Variants in DNAAF9 observed in about 807,000 individuals in gnomAD.
DNAAF9 encodes shulin.
DNAAF9 carries 90 observed loss-of-function variants against 167.0 expected under a neutral mutation model. The ratio of observed to expected loss-of-function variants is 0.54; its 90% CI spans 0.45 to 0.64. DNAAF9 has a LOEUF of 0.64. DNAAF9 is among the 30% of genes least tolerant of loss of function. DNAAF9 has a pLI of 0.00. For missense variants in DNAAF9, 1,315 were observed against 1,442.2 expected, an observed-to-expected ratio of 0.91 and a Z score of 1.43; for synonymous variants, 491 against 508.8, an observed-to-expected ratio of 0.96 and a Z score of 0.47.
intron 27 of DNAAF9, among the ~76,000 whole-genome samples, chr20:3,285,453 C>G (rs368461499): frequency 1.3e-5 from 2 of 152,002 alleles, no homozygotes; most frequent in Admixed American, 6.6e-5. Context: ...CCAAGGCAGG[C>G]GGATCACTTG....
rs3082553 is a variant in DNAAF9 at position 3,351,834 on chromosome 20, T to TTTTATTTATTTA, written c.691-3223_691-3212dup. Among the ~76,000 whole-genome samples the TTTTATTTATTTA allele has an allele frequency of 7.4e-3, 1,088 of 146,222 alleles. 11 individuals carry two copies. Among genetic ancestry groups the TTTTATTTATTTA allele is most frequent in the African/African-American group, 0.027 (1,050 of 39,086 alleles). ...TATGCTATTTTCTGAGTTTGTGTTA[T>TTTTATTTATTTA]TTTATTTATTTATTTATTTATTTAT... On this transcript the variant is annotated intron_variant, in intron 7 of 36. Transcript: ENST00000252032.
At chr20:3,326,777 G>A (rs2069719147) in intron 12 of DNAAF9, among the ~76,000 whole-genome samples, 1 of 151,024 alleles carries the variant, frequency 6.6e-6, no homozygotes, top group Admixed American at 6.6e-5. Flanking sequence ...TCATATCCCT[G>A]GTTTGACTTA....
At chr20:3,274,195 T>C (rs577250334) in intron 29 of DNAAF9, among the ~76,000 whole-genome samples, 1 of 152,248 alleles carries the variant, frequency 6.6e-6, no homozygotes, top group South Asian at 2.1e-4. Flanking sequence ...CAGGCTGCAG[T>C]GTAGTGGTGT....
rs367913490 is a variant in DNAAF9 at position 3,349,698 on chromosome 20, T to C, written c.691-1075A>G. 3.3e-5 allele frequency among the ~76,000 whole-genome samples: 5 copies of C among 152,312 alleles called. No homozygotes were observed. In the East Asian group the frequency reaches 9.6e-4, roughly 29 times the overall value. On this transcript the variant is annotated intron_variant, in intron 7 of 36. Transcript: ENST00000252032. ...TTTAGCATCCTTTCTGAACTCATTC[T>C]TATTCTCAAGCACTACAAATTGCTT... is the stretch of plus-strand genomic sequence containing the variant.
intron 10 of DNAAF9, among the ~76,000 whole-genome samples, chr20:3,335,387 T>C (rs2069917627): frequency 6.6e-6 from 1 of 152,220 alleles, no homozygotes; most frequent in Non-Finnish European, 1.5e-5. Flanking sequence ...AACTCTTCTC[T>C]TTCAGCATTT....
intron 29 of DNAAF9, among the ~76,000 whole-genome samples, chr20:3,271,898 T>A (rs1333207781): frequency 6.6e-6 from 1 of 152,034 alleles, no homozygotes; most frequent in Non-Finnish European, 1.5e-5. Context: ...GGATTACAGG[T>A]GTGAGCCACC....
At chr20:3,353,930 G>A (rs936861812) in intron 7 of DNAAF9, among the ~76,000 whole-genome samples, 1 of 152,122 alleles carries the variant, frequency 6.6e-6, no homozygotes, top group Admixed American at 6.6e-5. Context: ...TATAGAATAA[G>A]GTAGAATGAA....
Position 3,336,252 on chromosome 20 carries a change from G to GTTT in DNAAF9, c.982-3894_982-3892dup, listed in dbSNP as rs1178750984. On this transcript the variant is annotated intron_variant, in intron 10 of 36. Transcript: ENST00000252032. The stretch of plus-strand genomic sequence containing the variant: ...TGATTTTGCAGATTCACAGTTTTGC[G>GTTT]TTTTTGTTTTTTTTTTTTTTTTTGC... Among the ~76,000 whole-genome samples the GTTT allele has an allele frequency of 6.0e-3, 484 of 81,180 alleles. 15 individuals carry two copies. The highest frequency in any genetic ancestry group is 0.013 in the East Asian group (39 of 2,978). The allele number at this position is 81,180 out of a possible 152,430, so 53.3% of individuals were successfully genotyped here.
intron 1 of DNAAF9, among the ~76,000 whole-genome samples, chr20:3,393,778 C>A (rs1333430819): frequency 6.6e-6 from 1 of 152,138 alleles, no homozygotes; most frequent in African/African-American, 2.4e-5. Flanking sequence ...CCAAATTGTT[C>A]TTTTAAACCG....
At chr20:3,283,583 C>T (rs1245436415) in intron 27 of DNAAF9, among the ~76,000 whole-genome samples, 4 of 152,186 alleles carry the variant, frequency 2.6e-5, no homozygotes, top group South Asian at 2.1e-4. Context: ...CAGGAGAGTC[C>T]CACCCACAAC....
chr20:3,288,850 G>A (rs1402904197), intron 26 of DNAAF9, among the ~76,000 whole-genome samples: 1 of 152,138 alleles, frequency 6.6e-6, no homozygotes, highest in Admixed American at 6.5e-5. Context: ...GCTCATGGGA[G>A]GATCATGACA....
intron 23 of DNAAF9, chr20:3,296,268 G>GC (rs960405134): frequency 2.3e-6 from 1 of 429,992 alleles, no homozygotes. Context: ...GACACTGGGC[G>GC]CCCCCCAAGA....
At chr20:3,328,188 T>TTTTTTTTTTGTTTGTTTGTTTTG (rs757945235) in intron 12 of DNAAF9, among the ~76,000 whole-genome samples, 2 of 138,774 alleles carry the variant, frequency 1.4e-5, no homozygotes, top group African/African-American at 5.8e-5. Flanking sequence ...GCTCTGTTTT[T>TTTTTTTTTTGTTTGTTTGTTTTG]TTTTTTTTTT....
Position 3,359,518 on chromosome 20 carries a change from C to A in DNAAF9, c.688G>T (p.Asp230Tyr). 1.9e-6 allele frequency: 3 copies of A among 1,607,126 alleles called. No homozygotes were observed. Among genetic ancestry groups the A allele is most frequent in the African/African-American group, 2.7e-5 (2 of 74,834 alleles). ...AAAGTTACTGTTTGGCTCCTTACAT[C>A]TGAAAGCAAACTCTCCAGAGACATA... Reference protein sequence around the residue: ...DPMSLESLLSDDLVAFEHQWT... With the variant: ...DPMSLESLLSYDLVAFEHQWT... Residue 230 changes from aspartate (D) to tyrosine (Y), a missense_variant and splice_region_variant, in exon 7 of 37, where the codon GAT becomes TAT. By Grantham distance (160) the Asp-to-Tyr change is radical. Coordinates refer to ENST00000252032, the MANE Select transcript of DNAAF9 (RefSeq NM_001009984.3).
At chr20:3,390,565 A>G (rs931803918) in intron 1 of DNAAF9, among the ~76,000 whole-genome samples, 3 of 152,080 alleles carry the variant, frequency 2.0e-5, no homozygotes, top group African/African-American at 4.8e-5. Flanking sequence ...GGGTTTCACC[A>G]TGTTGGCCAG....
chr20:3,279,039 A>C, intron 28 of DNAAF9, 90 bp from the exon 29 acceptor site: 1 of 919,658 alleles, frequency 1.1e-6, no homozygotes, highest in Non-Finnish European at 1.8e-6. Context: ...TACCACTGAC[A>C]AGCAAATTGA....
At chr20:3,271,988 C>G (rs2068602639) in intron 29 of DNAAF9, among the ~76,000 whole-genome samples, 1 of 152,068 alleles carries the variant, frequency 6.6e-6, no homozygotes, top group Admixed American at 6.6e-5. Flanking sequence ...ACTCCCATCA[C>G]CTGGTTTCAG....
chr20:3,381,336 CTCTTACTCT>C, intron 3 of DNAAF9, 34 bp downstream of exon 3: 2 of 1,486,172 alleles, frequency 1.3e-6, no homozygotes, highest in Non-Finnish European at 1.8e-6. Flanking sequence ...ATAAATAAAC[CTCTTACTCT>C]TCTATCACAC....
At chr20:3,271,001 C>T (rs1600681739) in intron 29 of DNAAF9, among the ~76,000 whole-genome samples, 3 of 151,828 alleles carry the variant, frequency 2.0e-5, no homozygotes, top group East Asian at 3.9e-4. Flanking sequence ...TTAGTAGAGA[C>T]GGGGTTTCAC....
Sources: allele counts gnomAD v4.1 joint callset (sites outside exome capture counted in the v4.1 genomes callset), GRCh38; gene constraint gnomAD v4.1.1; transcripts MANE v1.5; gene names NCBI Gene and HGNC (gene_info 2026-07-23, HGNC 2026-07-21).